ERH: variants seen among roughly 807,000 people sequenced by gnomAD.
The protein encoded by ERH is ERH mRNA splicing and mitosis factor.
ERH carries 1 observed loss-of-function variant against 16.8 expected under a neutral mutation model. That is an observed-to-expected ratio of 0.06 (90% CI 0.02 to 0.28). The LOEUF (loss-of-function observed/expected upper bound fraction) is 0.28. Ranked by LOEUF, ERH falls within the 10% of genes least tolerant of loss-of-function variation. The probability of loss-of-function intolerance (pLI) is 1.00; values close to 1 mark genes in which losing one functional copy is unlikely to be tolerated. For synonymous variants in ERH, 43 were observed against 43.6 expected (o/e 0.99, Z 0.05); for missense variants, 42 against 127.5 (o/e 0.33, Z 3.23).
chr14:69,381,631 C>G (rs1480407116), intron 3 of ERH, among the ~76,000 whole-genome samples: 3 of 152,080 alleles, frequency 2.0e-5, no homozygotes, highest in African/African-American at 7.2e-5. Flanking sequence ...TGAATTAACT[C>G]ATTTTTACAA....
intron 2 of ERH, among the ~76,000 whole-genome samples, chr14:69,391,341 C>T (rs1594888678): frequency 6.6e-6 from 1 of 151,880 alleles, no homozygotes; most frequent in African/African-American, 2.4e-5. Context: ...AAAGTAAGAA[C>T]CATAAAAGCA....
chr14:69,395,073 G>A, intron 1 of ERH, 161 bp from the exon 2 acceptor site: 1 of 612,382 alleles, frequency 1.6e-6, no homozygotes, highest in Non-Finnish European at 2.8e-6. Context: ...TCATCCTCTG[G>A]GAGGCTGAGA....
rs368094269 is a variant in ERH at position 69,381,619 on chromosome 14, T to C, written c.213-979A>G. Among the ~76,000 whole-genome samples the C allele has an allele frequency of 4.9e-4, 74 of 152,220 alleles. 2 individuals carry two copies. In the South Asian group the frequency reaches 0.014, roughly 29 times the overall value. ...TACTGGGTGTCGCTTTAAATTCTTA[T>C]CTGAATTAACTCATTTTTACAACCC... On this transcript the variant is annotated intron_variant, in intron 3 of 3. Coordinates refer to ENST00000557016, the MANE Select transcript of ERH (RefSeq NM_004450.3).
rs114174816 is a variant in ERH at position 69,394,325 on chromosome 14, T to C, written c.91+500A>G. ...CACCTAATACTTGTAGCAAGGAGGATACTATATACATAATTAATGTTTAAA... is the reference window on the plus strand; with the variant it reads ...CACCTAATACTTGTAGCAAGGAGGACACTATATACATAATTAATGTTTAAA... On this transcript the variant is annotated intron_variant, in intron 2 of 3. Coordinates refer to ENST00000557016, the MANE Select transcript of ERH (RefSeq NM_004450.3). Among the ~76,000 whole-genome samples, 476 of 151,170 alleles carry C rather than the reference T, an allele frequency of 3.1e-3. 4 individuals carry two copies. The highest frequency in any genetic ancestry group is 0.011 in the African/African-American group (462 of 41,300).
At chr14:69,385,603 A>G (rs551436637) in intron 3 of ERH, among the ~76,000 whole-genome samples, 11 of 150,372 alleles carry the variant, frequency 7.3e-5, no homozygotes, top group Non-Finnish European at 1.0e-4. Context: ...TCCAGCTACA[A>G]CCCCATTTTT....
intron 2 of ERH, among the ~76,000 whole-genome samples, chr14:69,389,010 T>C (rs532872871): frequency 1.6e-3 from 247 of 152,244 alleles, no homozygotes; most frequent in Middle Eastern, 0.01. Context: ...AAAAAGGCAT[T>C]GACCCACAGT....
At chr14:69,388,024 G>A (rs2140231315) in intron 2 of ERH, among the ~76,000 whole-genome samples, 1 of 152,232 alleles carries the variant, frequency 6.6e-6, no homozygotes, top group South Asian at 2.1e-4. Flanking sequence ...CAGCCCGGGT[G>A]ACAGAGCAAG....
At position 69,389,278 on chromosome 14, in the gene ERH, C is replaced by T. The variant is rs886837047; in HGVS notation, c.92-2195G>A. Among the ~76,000 whole-genome samples the T allele has an allele frequency of 2.6e-5, 4 of 152,276 alleles. No individual in the cohort carries two copies. The South Asian group carries it at 8.3e-4, about 32-fold the overall frequency. On this transcript the variant is annotated intron_variant, in intron 2 of 3. Coordinates refer to ENST00000557016, the MANE Select transcript of ERH (RefSeq NM_004450.3). ...TTGACCTCAGGTGATCCACCCGCGT[C>T]GGCCTCCCAAAGTGCTGGGATTACA...
chr14:69,394,334 C>G (rs546331245), intron 2 of ERH, among the ~76,000 whole-genome samples: 3 of 151,602 alleles, frequency 2.0e-5, no homozygotes, highest in Non-Finnish European at 2.9e-5. Flanking sequence ...ATACTATATA[C>G]ATAATTAATG....
intron 1 of ERH, among the ~76,000 whole-genome samples, chr14:69,395,987 A>G (rs1250242780): frequency 1.3e-5 from 2 of 152,264 alleles, no homozygotes; most frequent in East Asian, 1.9e-4. Context: ...GGGCTCTATT[A>G]CCTTTTGGGT....
At chr14:69,387,400 A>G (rs1594887412) in intron 2 of ERH, among the ~76,000 whole-genome samples, 1 of 152,104 alleles carries the variant, frequency 6.6e-6, no homozygotes, top group Non-Finnish European at 1.5e-5. Flanking sequence ...ATCTCTACAA[A>G]AATTAAAAAA....
chr14:69,397,841 C>A (rs1037034376), intron 1 of ERH, among the ~76,000 whole-genome samples: 5 of 152,024 alleles, frequency 3.3e-5, no homozygotes, highest in African/African-American at 1.2e-4. Context: ...TTGCTTCAAC[C>A]CAGGAGGCAG....
chr14:69,383,886 G>A (rs1376069086), intron 3 of ERH, among the ~76,000 whole-genome samples: 1 of 152,138 alleles, frequency 6.6e-6, no homozygotes, highest in Non-Finnish European at 1.5e-5. Flanking sequence ...AGTTGCTCAT[G>A]CCTGTAATAT....
rs551653945 is a variant in ERH at position 69,396,323 on chromosome 14, G to A, written c.4-1411C>T. 2.2e-4 allele frequency among the ~76,000 whole-genome samples: 33 copies of A among 152,362 alleles called. 1 individual carries two copies. The South Asian group carries it at 4.8e-3, about 22-fold the overall frequency. Reference sequence around the variant, plus strand: ...GTTGCCCAGGCTGGAGCGCAAAGGCGCGATCTCAGCTCACCGCAACCTCTG... The same window carrying A: ...GTTGCCCAGGCTGGAGCGCAAAGGCACGATCTCAGCTCACCGCAACCTCTG... On this transcript the variant is annotated intron_variant, in intron 1 of 3. Coordinates refer to ENST00000557016, the MANE Select transcript of ERH (RefSeq NM_004450.3).
chr14:69,387,890 C>CA lies in ERH; in HGVS notation c.92-808dup, dbSNP rs556587561. ...AAACCCTGTCTCTACTAAAAAAATACAAAAAATTAGCCAGGCATGGTGGCA... is the reference window on the plus strand; with the variant it reads ...AAACCCTGTCTCTACTAAAAAAATACAAAAAAATTAGCCAGGCATGGTGGCA... On this transcript the variant is annotated intron_variant, in intron 2 of 3. Coordinates refer to ENST00000557016, the MANE Select transcript of ERH (RefSeq NM_004450.3). 6.6e-3 allele frequency among the ~76,000 whole-genome samples: 1,005 copies of CA among 151,858 alleles called. 13 individuals are homozygous for CA. Among genetic ancestry groups the CA allele is most frequent in the African/African-American group, 0.023 (955 of 41,418 alleles).
At chr14:69,388,293 A>G (rs187797187) in intron 2 of ERH, among the ~76,000 whole-genome samples, 2 of 152,336 alleles carry the variant, frequency 1.3e-5, no homozygotes, top group South Asian at 2.1e-4. Context: ...ATTAATAGCA[A>G]GCCCACATTA....
intron 3 of ERH, among the ~76,000 whole-genome samples, chr14:69,385,553 T>TA (rs1216578859): frequency 6.6e-6 from 1 of 151,752 alleles, no homozygotes; most frequent in Middle Eastern, 3.4e-3. Flanking sequence ...CCTGCAAACT[T>TA]ACCATTACTT....
In ERH at chr14:69,380,619, T is replaced by C. The variant is rs146424146; in HGVS notation, c.234A>G (p.Thr78=). 6.2e-7 allele frequency: 1 copy of C among 1,611,062 alleles called. No individual in the cohort carries two copies. Among genetic ancestry groups the C allele is most frequent in the Non-Finnish European group, 8.5e-7 (1 of 1,177,816 alleles). ...TCCAGTCTTTGTTATAAGGCTGGTA[T>C]GTCTGGGTATCAGCTCGGTAACTGA... ...SCLVYRADTQ[T]YQPYNKDWIK... The change falls in exon 4 of 4, where the codon ACA becomes ACG. Residue 78 remains threonine, a synonymous_variant. Coordinates refer to ENST00000557016, the MANE Select transcript of ERH (RefSeq NM_004450.3).
Position 69,389,279 on chromosome 14 carries a change from G to A in ERH, c.92-2196C>T, listed in dbSNP as rs141629507. On this transcript the variant is annotated intron_variant, in intron 2 of 3. Coordinates refer to ENST00000557016, the MANE Select transcript of ERH (RefSeq NM_004450.3). ...TGACCTCAGGTGATCCACCCGCGTC[G>A]GCCTCCCAAAGTGCTGGGATTACAG... 9.1e-4 allele frequency among the ~76,000 whole-genome samples: 138 copies of A among 152,036 alleles called. 3 individuals carry two copies. In the East Asian group the frequency reaches 0.023, roughly 25 times the overall value.
Sources: allele counts gnomAD v4.1 joint callset (sites outside exome capture counted in the v4.1 genomes callset), GRCh38; gene constraint gnomAD v4.1.1; transcripts MANE v1.5; gene names NCBI Gene and HGNC (gene_info 2026-07-23, HGNC 2026-07-21).